SBNO2: variants seen among roughly 807,000 people sequenced by gnomAD.
SBNO2 encodes the protein strawberry notch homolog 2.
Under a neutral mutation model 146.3 loss-of-function variants are expected in SBNO2, and 89 were observed. The ratio of observed to expected loss-of-function variants is 0.61; its 90% confidence interval spans 0.51 to 0.73. SBNO2 has a LOEUF of 0.73. Ranked by LOEUF, SBNO2 falls within the 30% of genes least tolerant of loss-of-function variation. The pLI is 0.00. For missense variants in SBNO2, 2,092 were observed against 2,003.7 expected (o/e 1.04, Z -0.84); for synonymous variants, 1,147 against 892.6 (o/e 1.29, Z -5.08).
At chr19:1,148,418 C>A (rs2080214460) in intron 3 of SBNO2, among the ~76,000 whole-genome samples, 1 of 151,764 alleles carries the variant, frequency 6.6e-6, no homozygotes. Context: ...CAACTCCTAC[C>A]CCCCCTGCAG....
At chr19:1,159,769 C>T (rs1199067239) in intron 1 of SBNO2, among the ~76,000 whole-genome samples, 6 of 72,224 alleles carry the variant, frequency 8.3e-5, no homozygotes, top group African/African-American at 3.5e-4. Flanking sequence ...ATGGGGACAG[C>T]GGGGGGCAGT....
At chr19:1,133,354 C>T (rs2080052866) in intron 4 of SBNO2, among the ~76,000 whole-genome samples, 2 of 152,262 alleles carry the variant, frequency 1.3e-5, no homozygotes, top group South Asian at 4.1e-4. Flanking sequence ...CGTGGCTGGG[C>T]CGGAGGGCTC....
intron 3 of SBNO2, 133 bp from the exon 4 acceptor site, chr19:1,147,553 C>T (rs2080204862): frequency 1.9e-6 from 1 of 539,414 alleles, no homozygotes. Flanking sequence ...CCGGCAGGAC[C>T]CATGGCCCCG....
chr19:1,114,446 G>T, intron 17 of SBNO2, 24 bp from the exon 18 acceptor site: 1 of 1,494,274 alleles, frequency 6.7e-7, no homozygotes. Context: ...CAGGGTCACC[G>T]AGGGCCAGAC....
chr19:1,160,044 C>T (rs1260236489), intron 1 of SBNO2, among the ~76,000 whole-genome samples: 5 of 152,238 alleles, frequency 3.3e-5, no homozygotes, highest in Admixed American at 2.0e-4. Context: ...CCCCGCCACG[C>T]GGCCACATTC....
chr19:1,161,126 A>G (rs1218183812), intron 1 of SBNO2, among the ~76,000 whole-genome samples: 1 of 31,108 alleles, frequency 3.2e-5, no homozygotes, highest in African/African-American at 1.6e-4. Flanking sequence ...TGAGCACTGG[A>G]GATGGAGGTA....
In SBNO2 at chr19:1,147,356, C is replaced by T. The variant is rs773251416; in HGVS notation, c.232G>A (p.Val78Met). Residue 78 changes from valine (V) to methionine (M), a missense_variant, in exon 4 of 32, where the codon GTG becomes ATG. By Grantham distance (21) the Val-to-Met change is conservative (BLOSUM62 1). Coordinates refer to ENST00000361757, the MANE Select transcript of SBNO2 (RefSeq NM_014963.3). ...GGTGGCAAGCTGGAGGCGGTGGCCA[C>T]GGGGGCATAGCTGGTGTCTGGGCAG... Reference protein sequence around the residue: ...QPCPDTSYAPVATASSLPPKT... With the variant: ...QPCPDTSYAPMATASSLPPKT... 2.2e-5 allele frequency: 32 copies of T among 1,475,980 alleles called. No homozygotes were observed. Among genetic ancestry groups the T allele is most frequent in the Middle Eastern group, 4.8e-4 (2 of 4,194 alleles). 91.4% of individuals were successfully genotyped at this position (1,475,980 alleles called of 1,614,324 possible).
intron 5 of SBNO2, 137 bp from the exon 6 acceptor site, chr19:1,124,159 G>C (rs774383716): frequency 2.5e-6 from 2 of 803,360 alleles, no homozygotes; most frequent in Non-Finnish European, 4.1e-6. Flanking sequence ...AGGGCCCTGG[G>C]TCTTGCTCTC....
rs2079693516 is a variant in SBNO2, at chr19:1,108,088, G to A, written c.*132C>T. The A allele has an allele frequency of 2.8e-6, 3 of 1,060,316 alleles. No homozygotes were observed. Among genetic ancestry groups the A allele is most frequent in the Admixed American group, 4.3e-5 (1 of 23,202 alleles). 65.7% of individuals were successfully genotyped at this position (1,060,316 alleles called of 1,614,324 possible). A position where few individuals can be genotyped will look rare whatever the true frequency, so the allele number is the denominator to read the frequency against. On this transcript the variant is annotated 3_prime_UTR_variant, in exon 32 of 32. Coordinates refer to ENST00000361757, the MANE Select transcript of SBNO2 (RefSeq NM_014963.3). ...GACCAGGTGGGGGCCCGGGTCGGGC[G>A]CTGAAGGCACTGCGGCCAGGGCCTA...
intron 1 of SBNO2, among the ~76,000 whole-genome samples, chr19:1,172,566 C>A (rs1418571456): frequency 6.6e-6 from 1 of 152,186 alleles, no homozygotes; most frequent in Non-Finnish European, 1.5e-5. Flanking sequence ...CCAGGGAGGG[C>A]ACCCGAAACA....
intron 4 of SBNO2, among the ~76,000 whole-genome samples, chr19:1,142,950 G>A (rs1197718998): frequency 6.6e-6 from 1 of 152,070 alleles, no homozygotes; most frequent in Non-Finnish European, 1.5e-5. Context: ...CTGGGCAAGA[G>A]TAAGAGTCGG....
chr19:1,109,623 TGTGA>T lies in SBNO2; in HGVS notation c.3124-29_3124-26del. ...TCTGCCACGGCACGGGGTGGGGGGG[TGTGA>T]GTGTGGTGGGGGCGGGGTGGGCAGA... On this transcript the variant is annotated intron_variant, in intron 27 of 31. Transcript: ENST00000361757. This position sits in a 1 kb window ranked among gnomAD's most constrained non-coding sequence, Gnocchi z 4.2. 1 of 1,198,948 alleles carries T rather than the reference TGTGA, an allele frequency of 8.3e-7. No individual in the cohort carries two copies. The allele number at this position is 1,198,948 out of a possible 1,614,324, so 74.3% of individuals were successfully genotyped here.
chr19:1,124,770 G>A (rs559299696), intron 5 of SBNO2, among the ~76,000 whole-genome samples: 2 of 152,294 alleles, frequency 1.3e-5, no homozygotes, highest in East Asian at 1.9e-4. Flanking sequence ...CACTGTCCTC[G>A]GGGAGCTGAC....
intron 19 of SBNO2, 100 bp downstream of exon 19, chr19:1,113,435 G>A (rs1015793805): frequency 1.7e-5 from 18 of 1,077,124 alleles, no homozygotes; most frequent in Non-Finnish European, 2.2e-5. Flanking sequence ...GAGACGCAGA[G>A]TGACCAGCAG....
At chr19:1,115,769 C>T (rs1353032247) in intron 17 of SBNO2, 1 of 568,028 alleles carries the variant, frequency 1.8e-6, no homozygotes, top group East Asian at 3.1e-5. Flanking sequence ...TGTCCCGCCC[C>T]CCGGGTCTCG....
At chr19:1,127,841 G>GTCTCCCATCCCC in intron 4 of SBNO2, 76 bp from the exon 5 acceptor site, 3 of 1,409,646 alleles carry the variant, frequency 2.1e-6, no homozygotes, top group Non-Finnish European at 3.0e-6. Context: ...AGCACGTGGG[G>GTCTCCCATCCCC]ATGGGAGACA....
chr19:1,136,417 C>T lies in SBNO2; in HGVS notation c.280-8652G>A, dbSNP rs549335794. On this transcript the variant is annotated intron_variant, in intron 4 of 31. Transcript: ENST00000361757. The surrounding 1 kb of genome is among the most constrained non-coding windows in gnomAD (Gnocchi z 4.2). ...TTCTGGTGCTGCAGCCGGGCAGGGC[C>T]GAACCCTGGCGCACAGCTTCCTGCT... 2.8e-4 allele frequency among the ~76,000 whole-genome samples: 42 copies of T among 152,240 alleles called. No individual in the cohort carries two copies. Among genetic ancestry groups the T allele is most frequent in the Non-Finnish European group, 5.6e-4 (38 of 68,040 alleles).
intron 17 of SBNO2, chr19:1,115,771 C>T (rs762131401): frequency 6.7e-5 from 38 of 568,080 alleles, no homozygotes; most frequent in Non-Finnish European, 1.1e-4. Context: ...TCCCGCCCCC[C>T]GGGTCTCGCT....
intron 5 of SBNO2, among the ~76,000 whole-genome samples, chr19:1,127,294 T>C (rs918185819): frequency 3.9e-5 from 6 of 152,228 alleles, no homozygotes; most frequent in African/African-American, 1.4e-4. Context: ...GCAGGGTCCC[T>C]CTCAGGTGGG....
Sources: gnomAD v4.1 joint callset for allele counts (sites outside exome capture counted in the v4.1 genomes callset) on GRCh38, gnomAD v4.1.1 for gene constraint, Gnocchi (gnomAD v3.1) non-coding constraint, MANE v1.5 for transcripts, NCBI Gene and HGNC (gene_info 2026-07-23, HGNC 2026-07-21) for gene names.